The following NRG1 variants were observed in gnomAD, a reference collection of about 807,000 sequenced individuals.
NRG1 encodes pro-neuregulin-1, membrane-bound isoform.
NRG1 carries 18 observed loss-of-function variants against 63.8 expected under a neutral mutation model. That is an observed-to-expected ratio of 0.28 (90% confidence interval 0.19 to 0.42). NRG1 has a LOEUF of 0.42. Ranked by LOEUF, NRG1 falls within the 10% of genes least tolerant of loss-of-function variation. The probability of loss-of-function intolerance (pLI) is 1.00; values close to 1 mark genes in which losing one functional copy is unlikely to be tolerated. For synonymous variants in NRG1, 302 were observed against 301.3 expected (o/e 1.00, Z -0.02); for missense variants, 762 against 814.7 (o/e 0.94, Z 0.79).
chr8:31,958,124 T>C (rs1804788312), intron 1 of NRG1, among the ~76,000 whole-genome samples: 1 of 151,692 alleles, frequency 6.6e-6, no homozygotes, highest in East Asian at 1.9e-4. Context: ...TGTGTGTTTG[T>C]GTGTGTGTTG....
chr8:31,959,293 A>G (rs1452574736), intron 1 of NRG1, among the ~76,000 whole-genome samples: 1 of 152,236 alleles, frequency 6.6e-6, no homozygotes, highest in Non-Finnish European at 1.5e-5. Flanking sequence ...TAATGAATAC[A>G]ATTAATCTGA....
At chr8:32,658,879 C>A (rs1428754524) in intron 5 of NRG1, among the ~76,000 whole-genome samples, 3 of 152,100 alleles carry the variant, frequency 2.0e-5, no homozygotes, top group Admixed American at 6.5e-5. Context: ...AGATTCTCTC[C>A]TTGAGGAAAT....
At chr8:32,261,051 T>C (rs575392180) in intron 1 of NRG1, among the ~76,000 whole-genome samples, 2 of 152,310 alleles carry the variant, frequency 1.3e-5, no homozygotes, top group East Asian at 3.9e-4. Flanking sequence ...CAAAACACTT[T>C]TTATCTAGGC....
exon 11 of NRG1, chr8:32,760,347 C>T (rs377429482): frequency 6.2e-7 from 1 of 1,614,056 alleles, no homozygotes; most frequent in Middle Eastern, 1.7e-4. Flanking sequence ...AATGTAACAG[C>T]TTCCTCAGGC....
chr8:32,548,584 G>GC, exon 1 of NRG1: 1 of 1,309,122 alleles, frequency 7.6e-7, no homozygotes, highest in Non-Finnish European at 9.7e-7. Context: ...AACGGGAGAC[G>GC]CCCCCGCGCA....
At chr8:32,176,916 G>A in intron 1 of NRG1, among the ~76,000 whole-genome samples, 1 of 152,146 alleles carries the variant, frequency 6.6e-6, no homozygotes, top group Non-Finnish European at 1.5e-5. Flanking sequence ...GGAAGTCAGT[G>A]TGGCGATTCC....
At chr8:31,929,224 T>C (rs999641558) in intron 1 of NRG1, among the ~76,000 whole-genome samples, 1 of 152,212 alleles carries the variant, frequency 6.6e-6, no homozygotes, top group African/African-American at 2.4e-5. Context: ...TCCTTCCTTT[T>C]TAAGGTTAAA....
intron 11 of NRG1, 105 bp downstream of exon 11, chr8:32,760,511 G>A: frequency 1.9e-6 from 3 of 1,547,368 alleles, no homozygotes; most frequent in Non-Finnish European, 2.6e-6. Context: ...CAGAATAAGG[G>A]GCGGCAGTTA....
chr8:32,310,167 A>G (rs1376337724), intron 1 of NRG1, among the ~76,000 whole-genome samples: 1 of 152,240 alleles, frequency 6.6e-6, no homozygotes, highest in African/African-American at 2.4e-5. Context: ...TAATGCCCTC[A>G]AACAAGGCAA....
intron 1 of NRG1, among the ~76,000 whole-genome samples, chr8:31,705,127 G>A (rs1198647358): frequency 1.3e-5 from 2 of 151,800 alleles, no homozygotes; most frequent in East Asian, 2.0e-4. Context: ...CCTCTGCCCC[G>A]CCGGGTTCAA....
intron 1 of NRG1, among the ~76,000 whole-genome samples, chr8:32,208,450 G>T (rs902394090): frequency 1.3e-5 from 2 of 151,928 alleles, no homozygotes; most frequent in Admixed American, 6.6e-5. Context: ...TAGAGACAGG[G>T]TTTCACCATG....
At chr8:32,021,905 T>C (rs1473624282) in intron 1 of NRG1, among the ~76,000 whole-genome samples, 1 of 152,204 alleles carries the variant, frequency 6.6e-6, no homozygotes, top group Non-Finnish European at 1.5e-5. Context: ...TTGCTTTTTT[T>C]CTTACCTGTA....
intron 1 of NRG1, among the ~76,000 whole-genome samples, chr8:32,371,098 G>C (rs917441256): frequency 2.6e-5 from 4 of 152,030 alleles, no homozygotes; most frequent in Non-Finnish European, 5.9e-5. Context: ...TGTAATCCCA[G>C]CTACTCAGGA....
At chr8:31,759,596 C>G (rs1426405607) in intron 1 of NRG1, among the ~76,000 whole-genome samples, 1 of 152,102 alleles carries the variant, frequency 6.6e-6, no homozygotes, top group African/African-American at 2.4e-5. Flanking sequence ...TATTTGTCTA[C>G]TGTATGCCAG....
chr8:32,557,604 G>A (rs540297374), intron 1 of NRG1, among the ~76,000 whole-genome samples: 44 of 152,248 alleles, frequency 2.9e-4, no homozygotes, highest in Admixed American at 2.6e-3. Flanking sequence ...TTGAAGGCTG[G>A]TATATTGTCC....
intron 1 of NRG1, among the ~76,000 whole-genome samples, chr8:31,670,689 T>A (rs987712742): frequency 1.3e-5 from 2 of 152,112 alleles, no homozygotes; most frequent in South Asian, 2.1e-4. Flanking sequence ...AGGTGTTAAG[T>A]TTTTATCTCT....
intron 1 of NRG1, among the ~76,000 whole-genome samples, chr8:31,733,152 T>A (rs565069393): frequency 4.6e-5 from 7 of 152,002 alleles, no homozygotes; most frequent in African/African-American, 7.2e-5. Flanking sequence ...TATTCTGTTT[T>A]TTTTTTTTTA....
chr8:32,362,491 C>T (rs1011217612), intron 1 of NRG1, among the ~76,000 whole-genome samples: 4 of 152,182 alleles, frequency 2.6e-5, no homozygotes, highest in South Asian at 2.1e-4. Context: ...TATGGAATTA[C>T]TATTTTATTA....
chr8:31,801,216 G>A (rs1208071506), intron 1 of NRG1, among the ~76,000 whole-genome samples: 1 of 151,874 alleles, frequency 6.6e-6, no homozygotes, highest in African/African-American at 2.4e-5. Flanking sequence ...TGTGCATATT[G>A]TTTTATAATT....
Sources: gnomAD v4.1 joint callset for allele counts (sites outside exome capture counted in the v4.1 genomes callset) on GRCh38, gnomAD v4.1.1 for gene constraint, MANE v1.5 for transcripts, NCBI Gene and HGNC (gene_info 2026-07-23, HGNC 2026-07-21) for gene names.